The following CPT1A variants were observed in gnomAD, a reference collection of about 807,000 sequenced individuals.
CPT1A encodes carnitine O-palmitoyltransferase 1, liver isoform.
Under a neutral mutation model 100.8 loss-of-function variants are expected in CPT1A, and 64 were observed. The ratio of observed to expected loss-of-function variants is 0.63; its 90% CI spans 0.52 to 0.78. The LOEUF is 0.78. Ranked by LOEUF, CPT1A falls within the 30% of genes least tolerant of loss-of-function variation. The probability of loss-of-function intolerance (pLI) is 0.00; values close to 1 mark genes in which losing one functional copy is unlikely to be tolerated. For missense variants in CPT1A, 802 were observed against 1,034.1 expected (o/e 0.78, Z 3.08); for synonymous variants, 363 against 396.0 (o/e 0.92, Z 0.99).
At position 68,792,142 on chromosome 11, in the gene CPT1A, C is replaced by T. The variant is rs140865826; in HGVS notation, c.967+1173G>A. ...TCACGAGGTCAGGAGATGAGACCAT[C>T]CTGGCTAACACGGTGAAACTCCGTC... On this transcript the variant is annotated intron_variant, in intron 9 of 18. Transcript: ENST00000265641. 7.8e-3 allele frequency among the ~76,000 whole-genome samples: 1,180 copies of T among 152,084 alleles called. 22 individuals carry two copies. The highest frequency in any genetic ancestry group is 0.027 in the African/African-American group (1,112 of 41,490).
intron 14 of CPT1A, among the ~76,000 whole-genome samples, chr11:68,772,648 G>C (rs960674899): frequency 1.3e-5 from 2 of 152,100 alleles, no homozygotes; most frequent in Non-Finnish European, 2.9e-5. Flanking sequence ...TCAAAGGCCA[G>C]AGACGTTAAG....
At position 68,760,190 on chromosome 11, in the gene CPT1A, C is replaced by A. The variant is rs558468620; in HGVS notation, c.2142+35G>T. 1.9e-4 allele frequency: 279 copies of A among 1,471,746 alleles called. 1 individual carries two copies. The South Asian group carries it at 3.0e-3, about 16-fold the overall frequency. 91.2% of individuals were successfully genotyped at this position (1,471,746 alleles called of 1,614,324 possible). A position where few individuals can be genotyped will look rare whatever the true frequency, so the allele number is the denominator to read the frequency against. ...CCCCATTACCCATCCCATCACCACG[C>A]CCCACTGCGCCTCGCCCAGCCCCGC... On this transcript the variant is annotated intron_variant, in intron 17 of 18. Coordinates refer to ENST00000265641, the MANE Select transcript of CPT1A (RefSeq NM_001876.4).
intron 1 of CPT1A, among the ~76,000 whole-genome samples, chr11:68,833,188 C>T (rs913550083): frequency 5.9e-5 from 9 of 152,160 alleles, no homozygotes; most frequent in Non-Finnish European, 1.3e-4. Flanking sequence ...AAGGGAAGTA[C>T]CAGGAAGGCT....
In CPT1A at chr11:68,761,692, G is replaced by C; in HGVS notation, c.1876-5C>G. 6.2e-7 allele frequency: 1 copy of C among 1,614,136 alleles called. No individual in the cohort carries two copies. Among genetic ancestry groups the C allele is most frequent in the Non-Finnish European group, 8.5e-7 (1 of 1,179,990 alleles). ...CAACTTCAGCCTCTGTTCCACCTGA[G>C]TGACAAAAGGTGGGAAGGACATATG... is the stretch of plus-strand genomic sequence containing the variant. On this transcript the variant is annotated splice_polypyrimidine_tract_variant and splice_region_variant and intron_variant, in intron 15 of 18. Coordinates refer to ENST00000265641, the MANE Select transcript of CPT1A (RefSeq NM_001876.4).
chr11:68,794,777 T>A lies in CPT1A; in HGVS notation c.879+27A>T, dbSNP rs1227009383. 3.2e-6 allele frequency: 5 copies of A among 1,563,808 alleles called. No individual in the cohort carries two copies. In the East Asian group the frequency reaches 1.1e-4, roughly 35 times the overall value. On this transcript the variant is annotated intron_variant, in intron 8 of 18. Transcript: ENST00000265641. ...CCTCTGTAAAGCTGTTTGAAAATAA[T>A]TTTTTTAAAGCAATTTGTTTGCCTA...
intron 1 of CPT1A, among the ~76,000 whole-genome samples, chr11:68,822,116 A>T (rs1043588594): frequency 6.6e-6 from 1 of 152,076 alleles, no homozygotes; most frequent in Non-Finnish European, 1.5e-5. Context: ...CGTGGCTCAC[A>T]CCTGCAATCC....
In CPT1A at chr11:68,770,165, T is replaced by TG. The variant is rs530811622; in HGVS notation, c.1740+3099dup. 7.3e-4 allele frequency among the ~76,000 whole-genome samples: 111 copies of TG among 152,210 alleles called. 1 individual carries two copies. Among genetic ancestry groups the TG allele is most frequent in the African/African-American group, 2.5e-3 (103 of 41,518 alleles). ...TTTCTCCCTCTCCCTGGGGAGGAGTTGGGGGGCGAGTGCTCCTCGGCCTTC... is the reference window on the plus strand; with the variant it reads ...TTTCTCCCTCTCCCTGGGGAGGAGTTGGGGGGGCGAGTGCTCCTCGGCCTTC... On this transcript the variant is annotated intron_variant, in intron 14 of 18. Coordinates refer to ENST00000265641, the MANE Select transcript of CPT1A (RefSeq NM_001876.4).
At chr11:68,842,484 G>C (rs544953757), upstream of CPT1A, among the ~76,000 whole-genome samples, 1 of 152,056 alleles carries the variant, frequency 6.6e-6, no homozygotes, top group African/African-American at 2.4e-5. Context: ...ATTGGGTCCA[G>C]ATCTGATTCC....
intron 7 of CPT1A, among the ~76,000 whole-genome samples, chr11:68,795,681 G>A (rs1183973452): frequency 6.6e-6 from 1 of 152,138 alleles, no homozygotes; most frequent in Non-Finnish European, 1.5e-5. Flanking sequence ...AGACCGAGGC[G>A]CACGGATCAC....
rs113426338 is a variant in CPT1A at position 68,767,057 on chromosome 11, C to T, written c.1741-4296G>A. On this transcript the variant is annotated intron_variant, in intron 14 of 18. Transcript: ENST00000265641. The stretch of plus-strand genomic sequence containing the variant: ...AAGCCGGGCATGGCCGTGCCCAGAA[C>T]GCTTCACTGATGAACACTGAGACTT... Among the ~76,000 whole-genome samples, 1,142 of 152,276 alleles carry T rather than the reference C, an allele frequency of 7.5e-3. 11 individuals carry two copies. Among genetic ancestry groups the T allele is most frequent in the African/African-American group, 0.026 (1,081 of 41,548 alleles).
chr11:68,819,193 T>G (rs1856513356), intron 1 of CPT1A, among the ~76,000 whole-genome samples: 1 of 152,122 alleles, frequency 6.6e-6, no homozygotes, highest in Admixed American at 6.6e-5. Context: ...ATTCTCATGC[T>G]TCAGCCTCCC....
intron 1 of CPT1A, among the ~76,000 whole-genome samples, chr11:68,823,021 C>T (rs1369138866): frequency 2.0e-5 from 3 of 152,034 alleles, no homozygotes; most frequent in Non-Finnish European, 4.4e-5. Flanking sequence ...GTGATAGTTG[C>T]ACAACTCTGT....
chr11:68,766,457 G>A (rs1854804029), intron 14 of CPT1A, among the ~76,000 whole-genome samples: 1 of 152,102 alleles, frequency 6.6e-6, no homozygotes, highest in Admixed American at 6.6e-5. Context: ...ACTTTTAATA[G>A]ATCACTTTAA....
intron 14 of CPT1A, among the ~76,000 whole-genome samples, chr11:68,770,796 C>T (rs777759111): frequency 5.9e-5 from 9 of 152,228 alleles, no homozygotes; most frequent in Admixed American, 1.3e-4. Context: ...GGTCTCTGCA[C>T]TTCCATTCAT....
intron 10 of CPT1A, among the ~76,000 whole-genome samples, chr11:68,782,346 C>T (rs190765609): frequency 6.6e-6 from 1 of 152,296 alleles, no homozygotes; most frequent in Non-Finnish European, 1.5e-5. Flanking sequence ...ACAGTAAGTG[C>T]GTAAGAGTGC....
intron 1 of CPT1A, chr11:68,839,711 T>C: frequency 2.0e-6 from 2 of 985,452 alleles, no homozygotes; most frequent in Non-Finnish European, 1.2e-6. Flanking sequence ...GAAGCCTCAG[T>C]GAAAACTGAC....
At chr11:68,799,118 T>C (rs994202340) in intron 6 of CPT1A, 100 bp downstream of exon 6, 9 of 1,125,900 alleles carry the variant, frequency 8.0e-6, no homozygotes, top group African/African-American at 3.0e-5. Context: ...TGATTTTGGC[T>C]AATCCAAACT....
intron 3 of CPT1A, among the ~76,000 whole-genome samples, chr11:68,812,172 G>C (rs1032600071): frequency 6.6e-6 from 1 of 152,102 alleles, no homozygotes; most frequent in East Asian, 1.9e-4. Flanking sequence ...CCAAACCCTC[G>C]GGCCCTGACA....
At position 68,757,295 on chromosome 11, in the gene CPT1A, G is replaced by A. The variant is rs1367693933; in HGVS notation, c.*349C>T. On this transcript the variant is annotated 3_prime_UTR_variant, in exon 19 of 19. Coordinates refer to ENST00000265641, the MANE Select transcript of CPT1A (RefSeq NM_001876.4). ...AAGCACTAGGCCTTCGGTTGCCACT[G>A]AGAAAGCACACCATTTCCATTCCAC... is the stretch of plus-strand genomic sequence containing the variant. 5 of 1,173,948 alleles carry A rather than the reference G, an allele frequency of 4.3e-6. No individual in the cohort carries two copies. In the East Asian group the frequency reaches 2.7e-4, roughly 63 times the overall value. 72.7% of individuals were successfully genotyped at this position (1,173,948 alleles called of 1,614,324 possible).
Sources: gnomAD v4.1 joint callset for allele counts (sites outside exome capture counted in the v4.1 genomes callset) on GRCh38, gnomAD v4.1.1 for gene constraint, MANE v1.5 for transcripts, NCBI Gene and HGNC (gene_info 2026-07-23, HGNC 2026-07-21) for gene names.